The following KIAA1217 variants were observed in gnomAD, a reference collection of about 807,000 sequenced individuals.
KIAA1217 encodes sickle tail protein homolog.
Under a neutral mutation model 163.9 loss-of-function variants are expected in KIAA1217, and 88 were observed. The ratio of observed to expected loss-of-function variants is 0.54; its 90% CI spans 0.45 to 0.64. The LOEUF is 0.64. KIAA1217 is among the 30% of genes least tolerant of loss of function. KIAA1217 has a pLI of 0.00. For missense variants in KIAA1217, 2,372 were observed against 2,475.0 expected (o/e 0.96, Z 0.88); for synonymous variants, 903 against 923.1 (o/e 0.98, Z 0.39).
At chr10:24,407,174 A>G (rs906515471) in intron 3 of KIAA1217, among the ~76,000 whole-genome samples, 56 of 152,194 alleles carry the variant, frequency 3.7e-4, no homozygotes, top group Non-Finnish European at 1.5e-5. Context: ...ATGGTTCTGA[A>G]CAGCAGGATG....
intron 2 of KIAA1217, among the ~76,000 whole-genome samples, chr10:24,112,010 G>A (rs11013900): frequency 0.14 from 21,050 of 151,844 alleles, 1,801 homozygotes; most frequent in African/African-American, 0.23. Flanking sequence ...TATGTTGCCC[G>A]GGCTGGTTTT....
chr10:24,362,618 A>G (rs2050175803), intron 2 of KIAA1217, among the ~76,000 whole-genome samples: 1 of 152,136 alleles, frequency 6.6e-6, no homozygotes, highest in Admixed American at 6.5e-5. Flanking sequence ...TTATGAATAT[A>G]TTTTCGTTTA....
chr10:24,066,359 A>G (rs2060945734), intron 2 of KIAA1217, among the ~76,000 whole-genome samples: 1 of 152,106 alleles, frequency 6.6e-6, no homozygotes, highest in South Asian at 2.1e-4. Flanking sequence ...ATCTCTCAGC[A>G]TTTGCTTGTC....
At chr10:23,729,485 A>G (rs1838354796) in intron 1 of KIAA1217, among the ~76,000 whole-genome samples, 1 of 152,062 alleles carries the variant, frequency 6.6e-6, no homozygotes, top group Non-Finnish European at 1.5e-5. Context: ...CTATATTTTG[A>G]CTATTTTAAT....
chr10:24,148,556 G>T (rs953574861), intron 2 of KIAA1217, among the ~76,000 whole-genome samples: 2 of 152,076 alleles, frequency 1.3e-5, no homozygotes. Flanking sequence ...GTAAGTTCCC[G>T]CAAGAGTTGG....
chr10:24,326,059 C>T (rs982707416), intron 2 of KIAA1217, among the ~76,000 whole-genome samples: 24 of 152,152 alleles, frequency 1.6e-4, no homozygotes, highest in African/African-American at 5.6e-4. Flanking sequence ...ATGTTTCCAT[C>T]ACTCCAGGAC....
chr10:23,899,630 A>T (rs1841867523), intron 1 of KIAA1217, among the ~76,000 whole-genome samples: 1 of 152,104 alleles, frequency 6.6e-6, no homozygotes, highest in African/African-American at 2.4e-5. Flanking sequence ...ACTGCCCTCA[A>T]ATCTTGTGGT....
At chr10:23,697,701 T>C (rs553841572) in intron 1 of KIAA1217, among the ~76,000 whole-genome samples, 1 of 140,866 alleles carries the variant, frequency 7.1e-6, no homozygotes, top group East Asian at 2.0e-4. Flanking sequence ...AAAACTTGTC[T>C]CTACTAAAAA....
chr10:24,171,957 T>C (rs779039314), intron 2 of KIAA1217, among the ~76,000 whole-genome samples: 1 of 152,134 alleles, frequency 6.6e-6, no homozygotes, highest in African/African-American at 2.4e-5. Flanking sequence ...AATTTCATCC[T>C]CACAACATCC....
intron 10 of KIAA1217, among the ~76,000 whole-genome samples, chr10:24,517,816 G>A (rs2070437223): frequency 2.0e-5 from 3 of 152,088 alleles, no homozygotes; most frequent in Non-Finnish European, 2.9e-5. Flanking sequence ...CCAACATGGC[G>A]AATCCCTATC....
intron 10 of KIAA1217, among the ~76,000 whole-genome samples, chr10:24,517,087 G>A (rs1305490597): frequency 6.6e-6 from 1 of 151,880 alleles, no homozygotes; most frequent in Non-Finnish European, 1.5e-5. Flanking sequence ...GGAAGCTGAG[G>A]TAGGAGCATG....
At chr10:24,190,014 C>G (rs1301698855) in intron 2 of KIAA1217, among the ~76,000 whole-genome samples, 1 of 147,118 alleles carries the variant, frequency 6.8e-6, no homozygotes, top group Non-Finnish European at 1.5e-5. Flanking sequence ...GAGTGAGACT[C>G]TGTCTCTATT....
chr10:24,545,513 G>A (rs2075636169), intron 20 of KIAA1217: 4 of 1,296,150 alleles, frequency 3.1e-6, no homozygotes, highest in Admixed American at 3.7e-5. Flanking sequence ...CCGTCACAAT[G>A]CCCGACCCCC....
At chr10:24,126,904 T>C (rs1213073098) in intron 2 of KIAA1217, among the ~76,000 whole-genome samples, 3 of 152,064 alleles carry the variant, frequency 2.0e-5, no homozygotes, top group African/African-American at 4.8e-5. Context: ...TCAATATCAG[T>C]TTGTATCTTA....
At chr10:24,285,677 A>G (rs1284673260) in intron 2 of KIAA1217, among the ~76,000 whole-genome samples, 5 of 152,210 alleles carry the variant, frequency 3.3e-5, no homozygotes, top group African/African-American at 9.6e-5. Context: ...TACTTTAGCT[A>G]TTCATGCTCT....
At chr10:24,517,587 C>A (rs1303921699) in intron 10 of KIAA1217, among the ~76,000 whole-genome samples, 6 of 152,152 alleles carry the variant, frequency 3.9e-5, no homozygotes, top group Non-Finnish European at 8.8e-5. Context: ...CCTTTTTGTT[C>A]TTCTCCTTCT....
At chr10:23,818,253 A>G (rs1837441589) in intron 1 of KIAA1217, among the ~76,000 whole-genome samples, 1 of 143,004 alleles carries the variant, frequency 7.0e-6, no homozygotes, top group African/African-American at 2.6e-5. Flanking sequence ...CATAATATAT[A>G]TTTTATATGT....
chr10:24,398,358 G>A (rs566950301), intron 3 of KIAA1217, among the ~76,000 whole-genome samples: 1 of 152,192 alleles, frequency 6.6e-6, no homozygotes, highest in South Asian at 2.1e-4. Context: ...GCTGTCTGAG[G>A]GGTAGCAGAA....
chr10:24,429,765 G>T (rs1218626121), intron 3 of KIAA1217, among the ~76,000 whole-genome samples: 1 of 152,144 alleles, frequency 6.6e-6, no homozygotes, highest in Non-Finnish European at 1.5e-5. Context: ...GGGAGGCACG[G>T]TTGTAATTTT....
Sources: gnomAD v4.1 joint callset for allele counts (sites outside exome capture counted in the v4.1 genomes callset) on GRCh38, gnomAD v4.1.1 for gene constraint, MANE v1.5 for transcripts, NCBI Gene and HGNC (gene_info 2026-07-23, HGNC 2026-07-21) for gene names.